The following SLC36A1 variants were observed in gnomAD, a reference collection of about 807,000 sequenced individuals.
The protein encoded by SLC36A1 is proton-coupled amino acid transporter 1.
In SLC36A1, 30 loss-of-function variants were observed where a neutral mutation model predicts 47.5. The observed-to-expected ratio is 0.63, with a 90% CI of 0.47 to 0.86. The LOEUF is 0.86. Among genes scored for constraint, SLC36A1 ranks in the 40% least tolerant of loss-of-function variants. The probability of loss-of-function intolerance (pLI) is 0.00; values close to 1 mark genes in which losing one functional copy is unlikely to be tolerated. For synonymous variants in SLC36A1, 255 were observed against 249.7 expected, an observed-to-expected ratio of 1.02 and a Z score of -0.20; for missense variants, 517 against 606.0, an observed-to-expected ratio of 0.85 and a Z score of 1.54.
At chr5:151,531,831 G>C in the SLC36A1 span, 9 of 1,613,838 alleles carry the variant, frequency 5.6e-6, 1 homozygote, top group Non-Finnish European at 7.6e-6. The surrounding 1 kb of genome is among the most constrained non-coding windows in gnomAD (Gnocchi z 5.7). Context: ...CCAGGTCAGA[G>C]GCACGGACCG....
chr5:151,440,650 A>C (rs559418277), intron 1 of SLC36A1, among the ~76,000 whole-genome samples: 26 of 152,176 alleles, frequency 1.7e-4, no homozygotes, highest in Non-Finnish European at 3.1e-4. Flanking sequence ...AATATCTCTC[A>C]GCAGCATAAC....
downstream of SLC36A1, among the ~76,000 whole-genome samples, chr5:151,494,575 C>T (rs1760286257): frequency 6.6e-6 from 1 of 152,190 alleles, no homozygotes; most frequent in South Asian, 2.1e-4. Context: ...TGTCTGGTTT[C>T]TTTCACTTAA....
chr5:151,400,455 C>G, the SLC36A1 span, among the ~76,000 whole-genome samples: 1 of 152,134 alleles, frequency 6.6e-6, no homozygotes, highest in East Asian at 1.9e-4. Flanking sequence ...GTGAACAGTG[C>G]TGTGTTGAAC....
At chr5:151,437,579 T>C (rs1176225884) in intron 1 of SLC36A1, among the ~76,000 whole-genome samples, 1 of 152,210 alleles carries the variant, frequency 6.6e-6, no homozygotes, top group Non-Finnish European at 1.5e-5. Context: ...ATTTCTCAAT[T>C]GATCAACATT....
chr5:151,356,339 C>CAAAAAAAAAAAAAAAAAAAAAA, the SLC36A1 span, among the ~76,000 whole-genome samples: 212 of 51,244 alleles, frequency 4.1e-3, 10 homozygotes, highest in East Asian at 6.1e-3. Context: ...CTCTGTCTCA[C>CAAAAAAAAAAAAAAAAAAAAAA]AAAAAAAAAA....
At chr5:151,461,225 A>G (rs1755460564) in intron 2 of SLC36A1, among the ~76,000 whole-genome samples, 1 of 151,114 alleles carries the variant, frequency 6.6e-6, no homozygotes, top group African/African-American at 2.4e-5. Flanking sequence ...CCTGGGCTCA[A>G]GTGATCCGCC....
At chr5:151,377,425 T>C in the SLC36A1 span, among the ~76,000 whole-genome samples, 1 of 146,138 alleles carries the variant, frequency 6.8e-6, no homozygotes, top group Admixed American at 6.9e-5. Context: ...CTCGACTCAC[T>C]GCAAGCTCCG....
the SLC36A1 span, chr5:151,553,075 C>T: frequency 1.6e-6 from 2 of 1,218,268 alleles, no homozygotes; most frequent in Non-Finnish European, 2.4e-6. Context: ...TGCCGAGGAG[C>T]CCGACCTTGA....
the SLC36A1 span, among the ~76,000 whole-genome samples, chr5:151,530,428 TA>T: frequency 6.6e-6 from 1 of 152,152 alleles, no homozygotes; most frequent in Admixed American, 6.5e-5. Context: ...TATATGACAC[TA>T]TAAAGAGCCA....
At chr5:151,455,636 A>G (rs756480763) in intron 1 of SLC36A1, among the ~76,000 whole-genome samples, 1 of 152,232 alleles carries the variant, frequency 6.6e-6, no homozygotes, top group Non-Finnish European at 1.5e-5. Flanking sequence ...TCAGTAATAT[A>G]TAGGTGTCAA....
the SLC36A1 span, among the ~76,000 whole-genome samples, chr5:151,426,244 A>C: frequency 1.3e-5 from 2 of 152,212 alleles, no homozygotes; most frequent in East Asian, 3.8e-4. Context: ...GAGACAAAGT[A>C]TAGAGAAAGA....
At chr5:151,506,227 G>T in the SLC36A1 span, 168,820 of 947,608 alleles carry the variant, frequency 0.18, 16,600 homozygotes, top group Non-Finnish European at 0.2. Context: ...CATCTGTGCA[G>T]GTTGTCTCTG....
At chr5:151,360,033 C>T in the SLC36A1 span, among the ~76,000 whole-genome samples, 1 of 152,130 alleles carries the variant, frequency 6.6e-6, no homozygotes, top group Non-Finnish European at 1.5e-5. Context: ...TTTCATTTGC[C>T]TTGTATAAAT....
the SLC36A1 span, among the ~76,000 whole-genome samples, chr5:151,418,350 T>C: frequency 9.9e-5 from 15 of 152,142 alleles, no homozygotes; most frequent in Non-Finnish European, 1.8e-4. Flanking sequence ...ACTGTGCACC[T>C]GGAAAAGACA....
At chr5:151,367,374 T>TTTTTCCCC in the SLC36A1 span, among the ~76,000 whole-genome samples, 2 of 145,466 alleles carry the variant, frequency 1.4e-5, no homozygotes, top group African/African-American at 5.2e-5. Flanking sequence ...TTTTTTTTTT[T>TTTTTCCCC]CCCCAGGGTA....
At chr5:151,401,283 T>C in the SLC36A1 span, among the ~76,000 whole-genome samples, 2 of 152,168 alleles carry the variant, frequency 1.3e-5, no homozygotes, top group African/African-American at 2.4e-5. Flanking sequence ...GAATAGGGAG[T>C]CCTTTGCCCA....
the SLC36A1 span, chr5:151,542,524 C>A: frequency 1.9e-6 from 3 of 1,614,170 alleles, no homozygotes; most frequent in Admixed American, 1.7e-5. Context: ...ATAAGTCTGG[C>A]AGGTCTCACA....
At chr5:151,523,359 A>G in the SLC36A1 span, among the ~76,000 whole-genome samples, 3 of 152,196 alleles carry the variant, frequency 2.0e-5, no homozygotes, top group African/African-American at 4.8e-5. Flanking sequence ...CTGTAAATAC[A>G]TTATCCTAGT....
Position 151,488,074 on chromosome 5 carries a change from G to A in SLC36A1, c.1251G>A (p.Pro417=), listed in dbSNP as rs767431521. ...GCGCCCTGGCCCTCATCATCCCACC[G>A]CTCCTGGAGGTCACCACCTTCTACT... is the stretch of plus-strand genomic sequence containing the variant. The part of the protein sequence containing the change: ...SSSALALIIP[P]LLEVTTFYSE... The change falls in exon 11 of 11, where the codon CCG becomes CCA. Residue 417 remains proline, a synonymous_variant. Coordinates refer to ENST00000243389, the MANE Select transcript of SLC36A1 (RefSeq NM_078483.4). 2.2e-5 allele frequency: 35 copies of A among 1,613,938 alleles called. No homozygotes were observed. Among genetic ancestry groups the A allele is most frequent in the African/African-American group, 9.3e-5 (7 of 74,888 alleles).
Sources: gnomAD v4.1 joint callset for allele counts (sites outside exome capture counted in the v4.1 genomes callset) on GRCh38, gnomAD v4.1.1 for gene constraint, Gnocchi (gnomAD v3.1) non-coding constraint, MANE v1.5 for transcripts, NCBI Gene and HGNC (gene_info 2026-07-23, HGNC 2026-07-21) for gene names.